Variants in TRIM63 observed in about 807,000 individuals in gnomAD.
TRIM63 encodes tripartite motif containing 63, also known as E3 ubiquitin-protein ligase TRIM63.
TRIM63 carries 48 observed loss-of-function variants against 46.0 expected under a neutral mutation model. That is an observed-to-expected ratio of 1.04 (90% CI 0.83 to 1.33). TRIM63 has a LOEUF of 1.33. TRIM63 is among the 40% of genes most tolerant of loss of function. TRIM63 has a pLI of 0.00. For synonymous variants in TRIM63, 175 were observed against 162.8 expected (o/e 1.08, Z -0.57); for missense variants, 455 against 441.2 (o/e 1.03, Z -0.28).
chr1:26,054,260 C>G (rs1298353556), intron 7 of TRIM63, among the ~76,000 whole-genome samples: 2 of 152,216 alleles, frequency 1.3e-5, no homozygotes, highest in African/African-American at 4.8e-5. Context: ...AGAGGGGACT[C>G]TGAGGAAGCG....
chr1:26,057,699 G>T (rs752699034), intron 5 of TRIM63, 49 bp from the exon 6 acceptor site: 6 of 1,571,294 alleles, frequency 3.8e-6, no homozygotes, highest in South Asian at 1.2e-5. Context: ...AGAGGTAACC[G>T]CAGGAAATCA....
chr1:26,066,276 C>T lies in TRIM63; in HGVS notation c.324G>A (p.Glu108=). Residue 108 remains glutamate (E), a synonymous_variant, in exon 2 of 9, where the codon GAG becomes GAA. Transcript: ENST00000374272. ...VENIIDIYKQ[E]CSSRPLQKGS... is the part of the protein sequence containing the mutation. ...CAGGCACGAGAACCGACCTGGAGCA[C>T]TCCTGTTTGTAGATGTCGATGATGT... The T allele has an allele frequency of 9.3e-6, 15 of 1,614,112 alleles. No individual in the cohort carries two copies. The highest frequency in any genetic ancestry group is 2.2e-5 in the East Asian group (1 of 44,880).
chr1:26,052,407 G>A (rs893791750), intron 8 of TRIM63, among the ~76,000 whole-genome samples: 5 of 152,300 alleles, frequency 3.3e-5, no homozygotes, highest in South Asian at 2.1e-4. Flanking sequence ...TGAAGCAAGC[G>A]GGACTGGTGG....
At chr1:26,060,719 G>C (rs2050615967) in intron 3 of TRIM63, among the ~76,000 whole-genome samples, 2 of 152,228 alleles carry the variant, frequency 1.3e-5, no homozygotes, top group East Asian at 1.9e-4. Context: ...AGGGAAGAGA[G>C]AGTATGGAAA....
chr1:26,064,436 A>T (rs2050655975), intron 2 of TRIM63, among the ~76,000 whole-genome samples: 1 of 152,110 alleles, frequency 6.6e-6, no homozygotes, highest in African/African-American at 2.4e-5. Context: ...GCCTCAAAAA[A>T]AAAAATTAAA....
Position 26,051,664 on chromosome 1 carries a change from T to C in TRIM63, c.*209A>G. ...GTCCTGTGTGATTGTTTCAAGCACG[T>C]TTCCAATTCTGGTTCAGTGTCTGCT... is the stretch of plus-strand genomic sequence containing the variant. On this transcript the variant is annotated 3_prime_UTR_variant, in exon 9 of 9. Transcript: ENST00000374272. 2 of 407,894 alleles carry C rather than the reference T, an allele frequency of 4.9e-6. No homozygotes were observed. Among genetic ancestry groups the C allele is most frequent in the Non-Finnish European group, 8.9e-6 (2 of 223,870 alleles). 25.3% of individuals were successfully genotyped at this position (407,894 alleles called of 1,614,324 possible).
rs12097178 is a variant in TRIM63 at position 26,066,172 on chromosome 1, A to T, written c.332+96T>A. The T allele has an allele frequency of 5.9e-3, 8,286 of 1,408,384 alleles. 388 individuals are homozygous for T. The African/African-American group carries it at 0.099, about 17-fold the overall frequency. The allele number at this position is 1,408,384 out of a possible 1,614,324, so 87.2% of individuals were successfully genotyped here. ...GTAGCTAGTCCAGCTAGAGGCCTGG[A>T]TCCTGAGCAGATGAAGGAGGGGGAA... On this transcript the variant is annotated intron_variant, in intron 2 of 8. Transcript: ENST00000374272.
chr1:26,058,659 G>T (rs2275949), intron 4 of TRIM63, 36 bp from the exon 5 acceptor site: 1 of 1,581,862 alleles, frequency 6.3e-7, no homozygotes, highest in Non-Finnish European at 8.7e-7. Flanking sequence ...GTTCTGTAGG[G>T]TCTTTATTCC....
Position 26,058,501 on chromosome 1 carries a change from G to T in TRIM63, c.720C>A (p.Ser240Arg). 6.2e-7 allele frequency: 1 copy of T among 1,614,212 alleles called. No individual in the cohort carries two copies. The highest frequency in any genetic ancestry group is 8.5e-7 in the Non-Finnish European group (1 of 1,180,046). Residue 240 changes from serine (S) to arginine (R), a missense_variant, in exon 5 of 9, where the codon AGC (serine) becomes AGA (arginine). By Grantham distance (110) the Ser-to-Arg change is moderately radical. Transcript: ENST00000374272. The part of the protein sequence containing the change: ...RITQEQEKKL[S>R]FIEALIQQYQ... ...ACTGCTGGATGAGGGCCTCGATGAA[G>T]CTAAGCTTTTTCTCCTGCTCCTGCG...
At chr1:26,059,803 G>A (rs1329086993) in intron 4 of TRIM63, among the ~76,000 whole-genome samples, 1 of 152,124 alleles carries the variant, frequency 6.6e-6, no homozygotes, top group African/African-American at 2.4e-5. Context: ...CAGCAGCTTG[G>A]GCAAATCCTG....
At chr1:26,051,975 G>A in intron 8 of TRIM63, 92 bp from the exon 9 acceptor site, 2 of 1,134,062 alleles carry the variant, frequency 1.8e-6, no homozygotes, top group African/African-American at 3.2e-5. Flanking sequence ...TCAAACAGGA[G>A]TTTGAATAAA....
At chr1:26,058,229 G>A (rs2050589901) in intron 5 of TRIM63, among the ~76,000 whole-genome samples, 161 bp downstream of exon 5, 1 of 152,164 alleles carries the variant, frequency 6.6e-6, no homozygotes, top group Non-Finnish European at 1.5e-5. Context: ...GAGGAAGGTG[G>A]GGGGTGTTAC....
At chr1:26,052,164 C>T (rs540204431) in intron 8 of TRIM63, among the ~76,000 whole-genome samples, 37 of 152,350 alleles carry the variant, frequency 2.4e-4, no homozygotes, top group African/African-American at 8.4e-4. Context: ...CAAGCATGTG[C>T]TAATTAGCAA....
Position 26,051,705 on chromosome 1 carries a change from G to A in TRIM63, c.*168C>T. 1 of 443,564 alleles carries A rather than the reference G, an allele frequency of 2.3e-6. No individual in the cohort carries two copies. The highest frequency in any genetic ancestry group is 3.9e-6 in the Non-Finnish European group (1 of 254,708). The allele number at this position is 443,564 out of a possible 1,614,324, so 27.5% of individuals were successfully genotyped here. On this transcript the variant is annotated 3_prime_UTR_variant, in exon 9 of 9. Coordinates refer to ENST00000374272, the MANE Select transcript of TRIM63 (RefSeq NM_032588.4). ...AGTGTCTGCTGGACGCAGCGGTGAGGGTCCTACCCTAGTCCCTGCTCTCTG... is the reference window on the plus strand; with the variant it reads ...AGTGTCTGCTGGACGCAGCGGTGAGAGTCCTACCCTAGTCCCTGCTCTCTG...
intron 4 of TRIM63, 21 bp from the exon 5 acceptor site, chr1:26,058,644 G>A: frequency 6.2e-7 from 1 of 1,607,416 alleles, no homozygotes. Flanking sequence ...AAGTCTTGTG[G>A]TCACGTTCTG....
intron 3 of TRIM63, among the ~76,000 whole-genome samples, chr1:26,060,619 G>A (rs1211483870): frequency 6.6e-6 from 1 of 152,226 alleles, no homozygotes; most frequent in African/African-American, 2.4e-5. Context: ...AACTGACAGA[G>A]GAGGGGCTTG....
At chr1:26,057,863 G>A (rs140249330) in intron 5 of TRIM63, among the ~76,000 whole-genome samples, 1 of 152,142 alleles carries the variant, frequency 6.6e-6, no homozygotes, top group Non-Finnish European at 1.5e-5. Flanking sequence ...AGGACCCACT[G>A]TCTTGACAGG....
rs1364691954 is a variant in TRIM63, at chr1:26,061,349, A to G, written c.333-15T>C. The G allele has an allele frequency of 1.9e-6, 3 of 1,612,042 alleles. No homozygotes were observed. The highest frequency in any genetic ancestry group is 2.2e-5 in the East Asian group (1 of 44,846). ...GCAGCGGCCGACTGCAGTGGAGAAC[A>G]GTCACAAGTCATGGGGGTCCTGTGT... On this transcript the variant is annotated splice_polypyrimidine_tract_variant and intron_variant, in intron 2 of 8. Coordinates refer to ENST00000374272, the MANE Select transcript of TRIM63 (RefSeq NM_032588.4).
chr1:26,055,503 A>C (rs1401960821), intron 7 of TRIM63, among the ~76,000 whole-genome samples: 1 of 139,844 alleles, frequency 7.2e-6, no homozygotes, highest in East Asian at 2.1e-4. Context: ...TTGAATATCT[A>C]TTTCTTTCTT....
Sources: allele counts gnomAD v4.1 joint callset (sites outside exome capture counted in the v4.1 genomes callset), GRCh38; gene constraint gnomAD v4.1.1; transcripts MANE v1.5; gene names NCBI Gene and HGNC (gene_info 2026-07-23, HGNC 2026-07-21).